The following CEP152 variants were observed in gnomAD, a reference collection of about 807,000 sequenced individuals.
CEP152 encodes centrosomal protein of 152 kDa.
A neutral mutation model predicts 188.9 loss-of-function variants in CEP152; 132 were observed. That is an observed-to-expected ratio of 0.70 (90% CI 0.61 to 0.81). The LOEUF (loss-of-function observed/expected upper bound fraction) is 0.81, where lower values mean the gene tolerates loss of function less well. CEP152 is among the 30% of genes least tolerant of loss of function. The pLI is 0.00. For synonymous variants in CEP152, 649 were observed against 666.6 expected (o/e 0.97, Z 0.41); for missense variants, 1,914 against 1,969.8 (o/e 0.97, Z 0.54).
At chr15:48,772,983 G>A (rs1895664659) in intron 12 of CEP152, among the ~76,000 whole-genome samples, 1 of 152,060 alleles carries the variant, frequency 6.6e-6, no homozygotes, top group African/African-American at 2.4e-5. Flanking sequence ...TGTGTTATTG[G>A]AAAACTGCAT....
intron 11 of CEP152, among the ~76,000 whole-genome samples, chr15:48,781,938 G>A (rs74789143): frequency 1.3e-5 from 2 of 152,312 alleles, no homozygotes; most frequent in East Asian, 3.9e-4. Context: ...GGCAGGAAGT[G>A]CAGGGCCTTG....
chr15:48,737,140 C>T (rs1210191398), downstream of CEP152, among the ~76,000 whole-genome samples: 1 of 152,084 alleles, frequency 6.6e-6, no homozygotes, highest in Non-Finnish European at 1.5e-5. Flanking sequence ...TTTTCCTTCT[C>T]GGTTCTTGCT....
intron 23 of CEP152, 44 bp downstream of exon 23, chr15:48,744,852 C>T: frequency 3.9e-6 from 6 of 1,531,054 alleles, no homozygotes; most frequent in Non-Finnish European, 5.3e-6. Context: ...GATACTTGTA[C>T]TTAGATTTCT....
Position 48,752,365 on chromosome 15 carries a change from T to C in CEP152, c.3450A>G (p.Ala1150=), listed in dbSNP as rs1483449019. The C allele has an allele frequency of 1.9e-6, 3 of 1,613,964 alleles. No homozygotes were observed. The highest frequency in any genetic ancestry group is 2.5e-6 in the Non-Finnish European group (3 of 1,180,008). ...GHHAQPLALQ[A]TEAEADKKKV... ...TCCAATTACCAGCTTCTGCTTCTGT[T>C]GCTTGTAAGGCCAAGGGCTGAGCAT... Residue 1150 remains alanine, a synonymous_variant, in exon 21 of 27, where the codon GCA becomes GCG. Transcript: ENST00000380950.
chr15:48,745,012 G>T lies in CEP152; in HGVS notation c.3635-20C>A. On this transcript the variant is annotated intron_variant, in intron 22 of 26. Transcript: ENST00000380950. ...TCTCTTCTATAACAGAAAGTTTATA[G>T]TATATTAGACAGTTAAAAATTTTTT... 6.4e-7 allele frequency: 1 copy of T among 1,562,326 alleles called. No individual in the cohort carries two copies. The highest frequency in any genetic ancestry group is 8.7e-7 in the Non-Finnish European group (1 of 1,146,460).
At chr15:48,755,831 GA>G in intron 20 of CEP152, 71 bp downstream of exon 20, 2 of 1,597,678 alleles carry the variant, frequency 1.3e-6, no homozygotes, top group Non-Finnish European at 8.5e-7. Flanking sequence ...AGGAAAAAAG[GA>G]AAAAACACTA....
intron 12 of CEP152, among the ~76,000 whole-genome samples, chr15:48,777,466 TTGTGTGTGTGTG>T (rs35650877): frequency 1.4e-5 from 2 of 147,354 alleles, no homozygotes; most frequent in Non-Finnish European, 3.0e-5. Flanking sequence ...TCTTAGAATA[TTGTGTGTGTGTG>T]TGTGTGTGTG....
rs549855188 is a variant in CEP152, at chr15:48,732,439, A to G, written c.142+9192T>C. Among the ~76,000 whole-genome samples, 9 of 152,274 alleles carry G rather than the reference A, an allele frequency of 5.9e-5. No homozygotes were observed. In the South Asian group the frequency reaches 1.9e-3, roughly 32 times the overall value. ...CTCAGCAAACTATCACAGGAACAGG[A>G]AACAAAACACTGCATGTTCTCACTC... On this transcript the variant is annotated intron_variant and NMD_transcript_variant, in intron 2 of 3. Transcript: ENST00000561245.
intron 19 of CEP152, among the ~76,000 whole-genome samples, chr15:48,757,094 T>C (rs1036890724): frequency 2.6e-5 from 4 of 152,076 alleles, no homozygotes; most frequent in East Asian, 1.9e-4. Flanking sequence ...GACAGAATAA[T>C]AGAACTAGTG....
intron 2 of CEP152, among the ~76,000 whole-genome samples, chr15:48,732,314 A>C (rs1027150159): frequency 6.6e-6 from 1 of 152,240 alleles, no homozygotes; most frequent in Non-Finnish European, 1.5e-5. Flanking sequence ...CTAGATAAAG[A>C]AAATGTGGTA....
In CEP152 at chr15:48,777,638, T is replaced by C. The variant is rs377152795; in HGVS notation, c.1577+3558A>G. Among the ~76,000 whole-genome samples the C allele has an allele frequency of 5.0e-4, 76 of 152,202 alleles. No homozygotes were observed. In the South Asian group the frequency reaches 0.015, roughly 31 times the overall value. Reference sequence around the variant, plus strand: ...ATATATTTTGTAAGTAGTCTGTCTATATACATAGATCTCATTTAAACCACT... The same window carrying C: ...ATATATTTTGTAAGTAGTCTGTCTACATACATAGATCTCATTTAAACCACT... On this transcript the variant is annotated intron_variant, in intron 12 of 26. Coordinates refer to ENST00000380950, the MANE Select transcript of CEP152 (RefSeq NM_001194998.2).
chr15:48,768,872 T>G, intron 14 of CEP152, 84 bp downstream of exon 14: 1 of 1,086,040 alleles, frequency 9.2e-7, no homozygotes. Context: ...CATTGCCTCT[T>G]TATTTGCAAA....
chr15:48,809,421 A>C (rs1249111406), intron 1 of CEP152, among the ~76,000 whole-genome samples: 2 of 152,336 alleles, frequency 1.3e-5, no homozygotes, highest in African/African-American at 4.8e-5. Context: ...ATTGTAATAA[A>C]TTCCGTAGTA....
chr15:48,757,480 TA>T (rs1894361973), intron 19 of CEP152, among the ~76,000 whole-genome samples: 1 of 152,238 alleles, frequency 6.6e-6, no homozygotes, highest in Non-Finnish European at 1.5e-5. Flanking sequence ...AAAAGTCACT[TA>T]ATCTCTTTGG....
chr15:48,779,842 T>G (rs1347746745), intron 12 of CEP152, among the ~76,000 whole-genome samples: 1 of 152,254 alleles, frequency 6.6e-6, no homozygotes, highest in Non-Finnish European at 1.5e-5. Context: ...AAAGATATAA[T>G]GCACTTCGTT....
intron 20 of CEP152, among the ~76,000 whole-genome samples, chr15:48,753,379 G>A (rs754102474): frequency 2.0e-5 from 3 of 152,162 alleles, no homozygotes; most frequent in African/African-American, 4.8e-5. Context: ...CTACTAAATC[G>A]GAAAGGAACA....
At chr15:48,807,830 C>T (rs1330409535) in intron 1 of CEP152, among the ~76,000 whole-genome samples, 1 of 152,030 alleles carries the variant, frequency 6.6e-6, no homozygotes, top group Non-Finnish European at 1.5e-5. Context: ...GAGCCTATTG[C>T]TAAAAATGTA....
In CEP152 at chr15:48,781,133, C is replaced by T. The variant is rs771896082; in HGVS notation, c.1577+63G>A. ...TACGCTCTCACCTTAAAACAGATAC[C>T]ATGCATCATCAGCATTACTAATGTT... On this transcript the variant is annotated intron_variant, in intron 12 of 26. Transcript: ENST00000380950. The T allele has an allele frequency of 2.2e-6, 3 of 1,381,748 alleles. No homozygotes were observed. In the African/African-American group the frequency reaches 4.3e-5, roughly 20 times the overall value. 85.6% of individuals were successfully genotyped at this position (1,381,748 alleles called of 1,614,324 possible). A position where few individuals can be genotyped will look rare whatever the true frequency, so the allele number is the denominator to read the frequency against.
At chr15:48,762,304 T>C in intron 18 of CEP152, 87 bp downstream of exon 18, 1 of 1,237,298 alleles carries the variant, frequency 8.1e-7, no homozygotes, top group Non-Finnish European at 1.2e-6. Flanking sequence ...TATAAAGTTA[T>C]GAACGAGTTC....
Sources: gnomAD v4.1 joint callset for allele counts (sites outside exome capture counted in the v4.1 genomes callset) on GRCh38, gnomAD v4.1.1 for gene constraint, MANE v1.5 for transcripts, NCBI Gene and HGNC (gene_info 2026-07-23, HGNC 2026-07-21) for gene names.